Variants in NAALADL2 observed in about 807,000 individuals in gnomAD.
The protein encoded by NAALADL2 is N-acetylated alpha-linked acidic dipeptidase like 2.
Under a neutral mutation model 87.2 loss-of-function variants are expected in NAALADL2, and 76 were observed. The observed-to-expected ratio is 0.87, with a 90% CI of 0.72 to 1.05. NAALADL2 has a LOEUF of 1.05. Ranked by LOEUF, NAALADL2 falls within the 50% of genes least tolerant of loss-of-function variation. The probability of loss-of-function intolerance (pLI) is 0.00; values close to 1 mark genes in which losing one functional copy is unlikely to be tolerated. For missense variants in NAALADL2, 1,089 were observed against 945.8 expected (o/e 1.15, Z -1.99); for synonymous variants, 354 against 331.0 (o/e 1.07, Z -0.75).
At chr3:175,153,682 C>T (rs75841172) in intron 2 of NAALADL2, among the ~76,000 whole-genome samples, 3 of 152,056 alleles carry the variant, frequency 2.0e-5, no homozygotes, top group Non-Finnish European at 2.9e-5. Flanking sequence ...TATGTGATAT[C>T]GAAAAAGTAA....
At chr3:175,023,472 C>T (rs1233545260) in intron 1 of NAALADL2, among the ~76,000 whole-genome samples, 2 of 152,024 alleles carry the variant, frequency 1.3e-5, no homozygotes, top group African/African-American at 2.4e-5. Context: ...CTGAGTTGGA[C>T]GTTCCTGTTG....
At chr3:174,471,977 T>C (rs1404109228) in intron 1 of NAALADL2, among the ~76,000 whole-genome samples, 1 of 152,260 alleles carries the variant, frequency 6.6e-6, no homozygotes, top group Middle Eastern at 3.4e-3. Flanking sequence ...ATCATCTAAA[T>C]AATAATTTTT....
intron 1 of NAALADL2, among the ~76,000 whole-genome samples, chr3:175,004,257 T>C (rs908309012): frequency 2.0e-5 from 3 of 150,764 alleles, no homozygotes; most frequent in African/African-American, 7.3e-5. Flanking sequence ...ATTAGCTGGG[T>C]GTGGTGATGC....
intron 2 of NAALADL2, among the ~76,000 whole-genome samples, chr3:174,561,467 TGAGATTA>T (rs2108512318): frequency 6.6e-6 from 1 of 152,218 alleles, no homozygotes; most frequent in African/African-American, 2.4e-5. Flanking sequence ...CCCAAAGTGC[TGAGATTA>T]CCGCCATGAG....
intron 11 of NAALADL2, among the ~76,000 whole-genome samples, chr3:175,696,197 C>T (rs1027175263): frequency 2.6e-5 from 4 of 152,110 alleles, no homozygotes; most frequent in Non-Finnish European, 5.9e-5. Flanking sequence ...TACATTAGTG[C>T]TCATCTAGCA....
intron 2 of NAALADL2, among the ~76,000 whole-genome samples, chr3:174,658,243 G>A (rs991599547): frequency 6.6e-6 from 1 of 152,134 alleles, no homozygotes; most frequent in Non-Finnish European, 1.5e-5. Flanking sequence ...CACCGGCAAT[G>A]AATGAGTTCT....
At chr3:174,975,862 A>C (rs751642367) in intron 1 of NAALADL2, among the ~76,000 whole-genome samples, 1 of 152,200 alleles carries the variant, frequency 6.6e-6, no homozygotes, top group Non-Finnish European at 1.5e-5. Context: ...AATAAGCTGA[A>C]TGAGCTTAGA....
intron 3 of NAALADL2, among the ~76,000 whole-genome samples, chr3:174,819,617 G>A (rs1441918922): frequency 6.6e-6 from 1 of 151,996 alleles, no homozygotes; most frequent in Admixed American, 6.6e-5. Context: ...GCTTTTTGAT[G>A]CAGCCCATTA....
At chr3:175,171,049 A>G (rs1387511271) in intron 2 of NAALADL2, among the ~76,000 whole-genome samples, 3 of 151,958 alleles carry the variant, frequency 2.0e-5, no homozygotes, top group African/African-American at 7.2e-5. Context: ...AAATAGAACA[A>G]ATATTATTAT....
intron 2 of NAALADL2, among the ~76,000 whole-genome samples, chr3:174,682,888 GAAAACATGACTTCACCCAAA>G: frequency 6.6e-6 from 1 of 152,200 alleles, no homozygotes; most frequent in African/African-American, 2.4e-5. Context: ...AAGACCATCT[GAAAACATGACTTCACCCAAA>G]AAACTATTTA....
intron 11 of NAALADL2, among the ~76,000 whole-genome samples, chr3:175,691,152 A>G (rs1293452525): frequency 6.6e-6 from 1 of 151,452 alleles, no homozygotes; most frequent in Non-Finnish European, 1.5e-5. Flanking sequence ...TTTCATAAGT[A>G]ACAAAAGTCT....
intron 1 of NAALADL2, among the ~76,000 whole-genome samples, chr3:174,537,409 A>G (rs1419590852): frequency 6.6e-6 from 1 of 152,192 alleles, no homozygotes; most frequent in African/African-American, 2.4e-5. Flanking sequence ...GGAATGGACC[A>G]ATTAACAATA....
intron 2 of NAALADL2, among the ~76,000 whole-genome samples, chr3:175,232,448 G>A (rs892970999): frequency 6.6e-6 from 1 of 151,974 alleles, no homozygotes; most frequent in Non-Finnish European, 1.5e-5. Context: ...TCTTTTCCAG[G>A]CATGTACTGT....
chr3:175,087,252 G>A (rs1250387948), intron 1 of NAALADL2, among the ~76,000 whole-genome samples: 2 of 152,072 alleles, frequency 1.3e-5, no homozygotes, highest in Non-Finnish European at 2.9e-5. Flanking sequence ...GGCAGCCCCT[G>A]CCCGGCCAGC....
intron 1 of NAALADL2, among the ~76,000 whole-genome samples, chr3:175,025,464 A>T (rs1182227531): frequency 6.6e-6 from 1 of 152,180 alleles, no homozygotes; most frequent in African/African-American, 2.4e-5. Context: ...CTTATCAATG[A>T]AAGTTATATA....
intron 2 of NAALADL2, among the ~76,000 whole-genome samples, chr3:174,584,725 G>A (rs1442449421): frequency 6.6e-6 from 1 of 152,064 alleles, no homozygotes; most frequent in African/African-American, 2.4e-5. Context: ...GCTACTGTGA[G>A]TTTTGCTGGT....
chr3:175,045,959 G>A (rs1445342110), intron 1 of NAALADL2, among the ~76,000 whole-genome samples: 1 of 151,358 alleles, frequency 6.6e-6, no homozygotes, highest in Non-Finnish European at 1.5e-5. Flanking sequence ...GACATTCAGA[G>A]ATAAGAGACA....
At chr3:175,146,196 C>A (rs944294261) in intron 2 of NAALADL2, among the ~76,000 whole-genome samples, 4 of 152,028 alleles carry the variant, frequency 2.6e-5, no homozygotes, top group Admixed American at 2.6e-4. Flanking sequence ...TTGACTCTTA[C>A]ATAACCTTCT....
intron 2 of NAALADL2, among the ~76,000 whole-genome samples, chr3:174,623,659 A>AC (rs1473236585): frequency 6.6e-6 from 1 of 151,700 alleles, no homozygotes; most frequent in Non-Finnish European, 1.5e-5. Flanking sequence ...TATTAAAAAA[A>AC]AGTGTGTATA....
Sources: allele counts gnomAD v4.1 joint callset (sites outside exome capture counted in the v4.1 genomes callset), GRCh38; gene constraint gnomAD v4.1.1; transcripts MANE v1.5; gene names NCBI Gene and HGNC (gene_info 2026-07-23, HGNC 2026-07-21).